Variants in FAM107B observed in about 807,000 individuals in gnomAD.
The protein encoded by FAM107B is protein FAM107B.
FAM107B carries 21 observed loss-of-function variants against 31.5 expected under a neutral mutation model. The ratio of observed to expected loss-of-function variants is 0.67; its 90% CI spans 0.47 to 0.96. The LOEUF is 0.96. Ranked by LOEUF, FAM107B falls within the 40% of genes least tolerant of loss-of-function variation. The pLI is 0.00. For missense variants in FAM107B, 452 were observed against 377.1 expected (o/e 1.20, Z -1.64); for synonymous variants, 157 against 141.5 (o/e 1.11, Z -0.78).
intron 2 of FAM107B, among the ~76,000 whole-genome samples, chr10:14,644,227 C>T (rs756750076): frequency 6.6e-6 from 1 of 152,174 alleles, no homozygotes; most frequent in African/African-American, 2.4e-5. Flanking sequence ...TTATCAAATG[C>T]TTACTATATT....
intron 1 of FAM107B, among the ~76,000 whole-genome samples, chr10:14,728,674 TG>T (rs973473126): frequency 6.6e-6 from 1 of 152,286 alleles, no homozygotes; most frequent in South Asian, 2.1e-4. Context: ...CAGTCAGCTG[TG>T]GGGGGACACA....
At chr10:14,638,657 C>T (rs538076285) in intron 2 of FAM107B, among the ~76,000 whole-genome samples, 2 of 152,294 alleles carry the variant, frequency 1.3e-5, no homozygotes, top group East Asian at 1.9e-4. Flanking sequence ...TTTCCCAGTG[C>T]TCACCTTCAC....
intron 2 of FAM107B, among the ~76,000 whole-genome samples, chr10:14,666,688 G>T (rs1047835852): frequency 1.3e-5 from 2 of 152,158 alleles, no homozygotes; most frequent in African/African-American, 4.8e-5. Flanking sequence ...ATCTGCAAGG[G>T]GACAGTGTCT....
chr10:14,761,994 C>G (rs558354632), intron 1 of FAM107B, among the ~76,000 whole-genome samples: 7 of 152,140 alleles, frequency 4.6e-5, no homozygotes, highest in Non-Finnish European at 1.0e-4. Context: ...AAAACATAAA[C>G]TTGTTGTAAC....
intron 2 of FAM107B, among the ~76,000 whole-genome samples, chr10:14,601,467 C>A (rs933486727): frequency 6.6e-6 from 1 of 152,142 alleles, no homozygotes; most frequent in East Asian, 1.9e-4. Context: ...CATGATTAGA[C>A]AAGGGAACTA....
intron 1 of FAM107B, among the ~76,000 whole-genome samples, chr10:14,707,992 G>T (rs1360867784): frequency 6.6e-6 from 1 of 152,094 alleles, no homozygotes; most frequent in East Asian, 1.9e-4. Context: ...GCCCCAAATT[G>T]TCCTAACAAT....
chr10:14,569,540 T>C (rs1446661836), intron 2 of FAM107B, among the ~76,000 whole-genome samples: 1 of 152,158 alleles, frequency 6.6e-6, no homozygotes, highest in South Asian at 2.1e-4. Flanking sequence ...GAAAAAAATA[T>C]AGCAGAAAAA....
At chr10:14,738,544 T>C (rs1004096905) in intron 1 of FAM107B, among the ~76,000 whole-genome samples, 11 of 152,172 alleles carry the variant, frequency 7.2e-5, no homozygotes, top group African/African-American at 2.7e-4. Context: ...AAGATTCCCT[T>C]AGGATTCCCA....
intron 2 of FAM107B, among the ~76,000 whole-genome samples, chr10:14,567,515 G>GATCAGTATCTGAGGCA (rs1322733137): frequency 3.9e-5 from 6 of 152,156 alleles, no homozygotes; most frequent in Non-Finnish European, 7.3e-5. Flanking sequence ...TTGAGGCCCT[G>GATCAGTATCTGAGGCA]GTGAGGCAGA....
At chr10:14,655,099 A>G (rs1854009941) in intron 2 of FAM107B, among the ~76,000 whole-genome samples, 1 of 152,216 alleles carries the variant, frequency 6.6e-6, no homozygotes, top group Non-Finnish European at 1.5e-5. Context: ...ACATGGCAAG[A>G]GAGGATGCAA....
intron 1 of FAM107B, among the ~76,000 whole-genome samples, chr10:14,682,111 T>C (rs1462257506): frequency 6.6e-6 from 1 of 152,236 alleles, no homozygotes; most frequent in Non-Finnish European, 1.5e-5. Context: ...AGCCTCTTTC[T>C]GGAGCACTTG....
In FAM107B at chr10:14,583,410, C is replaced by T. The variant is rs371641432; in HGVS notation, c.470-52895G>A. On this transcript the variant is annotated intron_variant, in intron 2 of 4. Transcript: ENST00000181796. ...CACCTTAGTGACAGATGACATGAAG[C>T]GCAGGACCGCAGCACAGACCACAGA... Among the ~76,000 whole-genome samples, 52 of 152,224 alleles carry T rather than the reference C, an allele frequency of 3.4e-4. 1 individual carries two copies. The highest frequency in any genetic ancestry group is 1.2e-3 in the African/African-American group (50 of 41,532).
intron 2 of FAM107B, among the ~76,000 whole-genome samples, chr10:14,570,784 A>G (rs1412798525): frequency 4.2e-5 from 6 of 142,728 alleles, no homozygotes; most frequent in Admixed American, 2.9e-4. Flanking sequence ...CCTGGATGAC[A>G]GAGTGAGACT....
chr10:14,646,724 A>G (rs920065796), intron 2 of FAM107B, among the ~76,000 whole-genome samples: 24 of 148,050 alleles, frequency 1.6e-4, no homozygotes, highest in African/African-American at 5.8e-4. Context: ...ATCTACTCTT[A>G]GTTCCTTGAG....
intron 1 of FAM107B, among the ~76,000 whole-genome samples, chr10:14,726,928 T>C (rs1162642216): frequency 2.6e-5 from 4 of 152,100 alleles, no homozygotes; most frequent in African/African-American, 9.7e-5. Flanking sequence ...AGTATGCAAC[T>C]CAACATAATG....
intron 2 of FAM107B, among the ~76,000 whole-genome samples, chr10:14,565,681 C>T (rs533064961): frequency 2.0e-5 from 3 of 152,240 alleles, no homozygotes; most frequent in Admixed American, 6.5e-5. Flanking sequence ...CTACAGCAAA[C>T]GAAGCGGCTG....
chr10:14,573,681 T>G (rs745582051), intron 2 of FAM107B, among the ~76,000 whole-genome samples: 6 of 151,770 alleles, frequency 4.0e-5, no homozygotes, highest in Non-Finnish European at 5.9e-5. Context: ...GAGGCAGAGG[T>G]TGCAGTAAGC....
chr10:14,537,111 C>T (rs866553150), intron 2 of FAM107B, among the ~76,000 whole-genome samples: 20 of 152,264 alleles, frequency 1.3e-4, no homozygotes, highest in African/African-American at 4.8e-4. Context: ...GGTGGCGACA[C>T]CTCCTCAACT....
At chr10:14,752,165 G>A (rs1318294402) in intron 1 of FAM107B, among the ~76,000 whole-genome samples, 4 of 152,188 alleles carry the variant, frequency 2.6e-5, no homozygotes, top group African/African-American at 7.2e-5. Context: ...CATGGGCTGT[G>A]GCCAGAGAGA....
Sources: gnomAD v4.1 joint callset for allele counts (sites outside exome capture counted in the v4.1 genomes callset) on GRCh38, gnomAD v4.1.1 for gene constraint, MANE v1.5 for transcripts, NCBI Gene and HGNC (gene_info 2026-07-23, HGNC 2026-07-21) for gene names.